GABBR2: variants seen among roughly 807,000 people sequenced by gnomAD.
The protein encoded by GABBR2 is gamma-aminobutyric acid type B receptor subunit 2, also known as G-protein coupled receptor 51.
In GABBR2, 23 loss-of-function variants were observed where a neutral mutation model predicts 105.6. The observed-to-expected ratio is 0.22, with a 90% CI of 0.16 to 0.31. The LOEUF is 0.31. Ranked by LOEUF, GABBR2 falls within the 10% of genes least tolerant of loss-of-function variation. The pLI, the probability that GABBR2 is intolerant of heterozygous loss-of-function variation, is 1.00. For synonymous variants in GABBR2, 478 were observed against 499.7 expected (o/e 0.96, Z 0.58); for missense variants, 734 against 1,245.5 (o/e 0.59, Z 6.18).
intron 7 of GABBR2, among the ~76,000 whole-genome samples, chr9:98,436,392 T>TAGATAGATAGATAG (rs1564068329): frequency 2.1e-5 from 1 of 48,538 alleles, no homozygotes; most frequent in African/African-American, 8.1e-5. Context: ...TATATATATA[T>TAGATAGATAGATAG]ATATATATAT....
rs558745968 is a variant in GABBR2, at chr9:98,484,689, C to A, written c.733-3692G>T. Among the ~76,000 whole-genome samples, 4 of 152,200 alleles carry A rather than the reference C, an allele frequency of 2.6e-5. No individual in the cohort carries two copies. In the South Asian group the frequency reaches 8.3e-4, roughly 32 times the overall value. ...GGAGGTGTCCCGAGTGTAGGAAGTG[C>A]AGATATACTGCGTTCTCCTTTCTAA... On this transcript the variant is annotated intron_variant, in intron 4 of 18. Transcript: ENST00000259455.
chr9:98,504,950 G>A lies in GABBR2; in HGVS notation c.631-8436C>T, dbSNP rs547823408. ...AATTAAAAAATTAGCCTGGAGAGGTGTAGACCAAAGCCGACTTCAAACACA... is the reference window on the plus strand; with the variant it reads ...AATTAAAAAATTAGCCTGGAGAGGTATAGACCAAAGCCGACTTCAAACACA... On this transcript the variant is annotated intron_variant, in intron 3 of 18. Transcript: ENST00000259455. Among the ~76,000 whole-genome samples, 4 of 152,362 alleles carry A rather than the reference G, an allele frequency of 2.6e-5. No homozygotes were observed. In the East Asian group the frequency reaches 5.8e-4, roughly 22 times the overall value.
chr9:98,507,994 G>T (rs1827547298), intron 3 of GABBR2, among the ~76,000 whole-genome samples: 1 of 152,204 alleles, frequency 6.6e-6, no homozygotes, highest in Non-Finnish European at 1.5e-5. Context: ...GTCAGGCTAT[G>T]CTGAGCTGTT....
chr9:98,497,938 T>G (rs1827316662), intron 3 of GABBR2, among the ~76,000 whole-genome samples: 1 of 152,246 alleles, frequency 6.6e-6, no homozygotes, highest in Non-Finnish European at 1.5e-5. Flanking sequence ...CCCATGTTCA[T>G]AAGAACATTT....
intron 13 of GABBR2, among the ~76,000 whole-genome samples, chr9:98,315,951 T>G (rs921477265): frequency 6.6e-6 from 1 of 152,190 alleles, no homozygotes; most frequent in Non-Finnish European, 1.5e-5. Flanking sequence ...AGGCTATACT[T>G]GGGCACTGCA....
At chr9:98,531,441 G>C (rs1252212985) in intron 3 of GABBR2, among the ~76,000 whole-genome samples, 5 of 152,260 alleles carry the variant, frequency 3.3e-5, no homozygotes, top group Admixed American at 3.3e-4. Flanking sequence ...GGAGCTCTGA[G>C]CCAGATAAAG....
chr9:98,510,863 G>A (rs117392404), intron 3 of GABBR2, among the ~76,000 whole-genome samples: 7,270 of 150,846 alleles, frequency 0.048, 257 homozygotes, highest in South Asian at 0.13. Flanking sequence ...AAAGATCAAC[G>A]AGGATACCCA....
At chr9:98,569,779 C>G (rs958046611) in intron 2 of GABBR2, among the ~76,000 whole-genome samples, 6 of 152,196 alleles carry the variant, frequency 3.9e-5, no homozygotes, top group Non-Finnish European at 8.8e-5. Flanking sequence ...GCCTCTACGA[C>G]CTCTGCCATT....
chr9:98,331,763 G>T (rs1390972997), intron 13 of GABBR2, among the ~76,000 whole-genome samples: 1 of 152,222 alleles, frequency 6.6e-6, no homozygotes, highest in Non-Finnish European at 1.5e-5. Context: ...GTGAGTGTGG[G>T]TGGGGCAGAG....
intron 1 of GABBR2, among the ~76,000 whole-genome samples, chr9:98,605,102 G>A (rs970418063): frequency 1.3e-5 from 2 of 152,236 alleles, no homozygotes; most frequent in Non-Finnish European, 2.9e-5. Context: ...CCAAAAGGCA[G>A]AACAAGTCAG....
chr9:98,436,179 C>A (rs1288858413), intron 7 of GABBR2, among the ~76,000 whole-genome samples: 8 of 148,980 alleles, frequency 5.4e-5, no homozygotes, highest in African/African-American at 2.0e-4. Flanking sequence ...TGATGATAAA[C>A]CTTCCATGGC....
At chr9:98,408,348 C>T (rs965246151) in intron 7 of GABBR2, among the ~76,000 whole-genome samples, 12 of 152,266 alleles carry the variant, frequency 7.9e-5, no homozygotes, top group East Asian at 3.9e-4. Context: ...ACTGGGGTGA[C>T]GAAGTGCTGA....
At chr9:98,692,177 C>T (rs1197435909) in intron 1 of GABBR2, among the ~76,000 whole-genome samples, 2 of 152,172 alleles carry the variant, frequency 1.3e-5, no homozygotes, top group Non-Finnish European at 2.9e-5. Context: ...GAGTGGCCTA[C>T]ATTGTCCTGT....
At chr9:98,671,904 C>T (rs1830412481) in intron 1 of GABBR2, among the ~76,000 whole-genome samples, 1 of 152,070 alleles carries the variant, frequency 6.6e-6, no homozygotes, top group African/African-American at 2.4e-5. Flanking sequence ...TGGTAAAAAG[C>T]AGAGAGTTGG....
At chr9:98,570,309 A>G (rs1421789310) in intron 2 of GABBR2, among the ~76,000 whole-genome samples, 1 of 152,218 alleles carries the variant, frequency 6.6e-6, no homozygotes. Context: ...ACAATTTAAT[A>G]ATCTGCCACG....
At chr9:98,435,996 TC>T (rs1825894996) in intron 7 of GABBR2, among the ~76,000 whole-genome samples, 1 of 151,856 alleles carries the variant, frequency 6.6e-6, no homozygotes, top group Admixed American at 6.6e-5. Flanking sequence ...ATCTGTTTCC[TC>T]CTGGGTACAG....
intron 1 of GABBR2, among the ~76,000 whole-genome samples, chr9:98,679,472 A>C (rs1283878441): frequency 1.3e-5 from 2 of 152,238 alleles, no homozygotes; most frequent in Non-Finnish European, 2.9e-5. Flanking sequence ...AAAGATTAAA[A>C]CACTGAGTAA....
At chr9:98,397,362 G>C (rs1363633521) in intron 8 of GABBR2, among the ~76,000 whole-genome samples, 1 of 152,018 alleles carries the variant, frequency 6.6e-6, no homozygotes, top group Non-Finnish European at 1.5e-5. Flanking sequence ...AACATTACTG[G>C]ACACCCATTA....
chr9:98,506,285 AT>A (rs1385988517), intron 3 of GABBR2, among the ~76,000 whole-genome samples: 2 of 152,098 alleles, frequency 1.3e-5, no homozygotes, highest in African/African-American at 4.8e-5. Flanking sequence ...TTTCTTCCCC[AT>A]GGACGTGTCA....
Sources: gnomAD v4.1 joint callset for allele counts (sites outside exome capture counted in the v4.1 genomes callset) on GRCh38, gnomAD v4.1.1 for gene constraint, MANE v1.5 for transcripts, NCBI Gene and HGNC (gene_info 2026-07-23, HGNC 2026-07-21) for gene names.